ADAM12: variants seen among roughly 807,000 people sequenced by gnomAD.
ADAM12 encodes ADAM metallopeptidase domain 12.
ADAM12 carries 70 observed loss-of-function variants against 106.4 expected under a neutral mutation model. The ratio of observed to expected loss-of-function variants is 0.66; its 90% CI spans 0.54 to 0.80. The LOEUF is 0.80. ADAM12 is among the 30% of genes least tolerant of loss of function. The pLI, the probability that ADAM12 is intolerant of heterozygous loss-of-function variation, is 0.00. For synonymous variants in ADAM12, 420 were observed against 433.5 expected, an observed-to-expected ratio of 0.97 and a Z score of 0.39; for missense variants, 1,010 against 1,171.9, an observed-to-expected ratio of 0.86 and a Z score of 2.02.
intron 3 of ADAM12, among the ~76,000 whole-genome samples, chr10:126,191,123 T>C (rs1957493230): frequency 6.7e-6 from 1 of 149,842 alleles, no homozygotes; most frequent in Non-Finnish European, 1.5e-5. Flanking sequence ...TGCCTCAGCC[T>C]TCTGAGTAGC....
chr10:126,147,509 C>T (rs1208879208), intron 4 of ADAM12, among the ~76,000 whole-genome samples: 11 of 152,240 alleles, frequency 7.2e-5, no homozygotes, highest in African/African-American at 2.7e-4. Flanking sequence ...ACATGGTCCT[C>T]AGGTCCTATA....
chr10:126,223,621 T>C (rs1001878444), intron 3 of ADAM12, among the ~76,000 whole-genome samples: 2 of 152,198 alleles, frequency 1.3e-5, no homozygotes, highest in African/African-American at 4.8e-5. Flanking sequence ...CATGCCTCTA[T>C]AGTACGAGAA....
intron 1 of ADAM12, among the ~76,000 whole-genome samples, chr10:126,386,398 A>C (rs1217154770): frequency 2.0e-5 from 3 of 152,206 alleles, no homozygotes; most frequent in Non-Finnish European, 4.4e-5. Context: ...TTGGCGTTTT[A>C]TACGGCCTCA....
chr10:126,354,554 T>C (rs1363337036), intron 1 of ADAM12, among the ~76,000 whole-genome samples: 1 of 152,224 alleles, frequency 6.6e-6, no homozygotes, highest in Admixed American at 6.5e-5. Context: ...TTCATAGTCC[T>C]TACTGACAAT....
intron 21 of ADAM12, among the ~76,000 whole-genome samples, chr10:126,024,788 A>G (rs1953836814): frequency 6.6e-6 from 1 of 152,156 alleles, no homozygotes; most frequent in Non-Finnish European, 1.5e-5. Context: ...CATCTAGAAA[A>G]AAATAAAATT....
At chr10:126,292,018 G>C (rs1960173284) in intron 2 of ADAM12, among the ~76,000 whole-genome samples, 1 of 151,682 alleles carries the variant, frequency 6.6e-6, no homozygotes, top group Admixed American at 6.6e-5. Flanking sequence ...AAATCAGCCA[G>C]TCATGAAGCC....
intron 2 of ADAM12, among the ~76,000 whole-genome samples, chr10:126,282,711 T>C (rs1283468245): frequency 6.6e-6 from 1 of 152,202 alleles, no homozygotes; most frequent in Admixed American, 6.5e-5. Context: ...TCCTTTCTCC[T>C]ACAGGTGGAC....
intron 2 of ADAM12, among the ~76,000 whole-genome samples, chr10:126,310,654 G>A (rs2133815240): frequency 6.6e-6 from 1 of 152,246 alleles, no homozygotes; most frequent in African/African-American, 2.4e-5. Flanking sequence ...ATGGAAACTG[G>A]AGTGCTAACT....
intron 5 of ADAM12, among the ~76,000 whole-genome samples, chr10:126,121,160 A>G (rs1380423339): frequency 1.3e-4 from 8 of 60,572 alleles, no homozygotes; most frequent in Non-Finnish European, 2.3e-4. Flanking sequence ...TATATACTAT[A>G]TATACTATAT....
chr10:126,145,220 G>A (rs1956603316), intron 4 of ADAM12, among the ~76,000 whole-genome samples: 1 of 152,116 alleles, frequency 6.6e-6, no homozygotes, highest in African/African-American at 2.4e-5. Context: ...GAGTTCAGTT[G>A]GGCCTTGGAG....
At chr10:126,213,280 A>G (rs1957933267) in intron 3 of ADAM12, among the ~76,000 whole-genome samples, 1 of 152,206 alleles carries the variant, frequency 6.6e-6, no homozygotes, top group African/African-American at 2.4e-5. Flanking sequence ...TTTTCACTTG[A>G]CAACATAAAT....
intron 3 of ADAM12, among the ~76,000 whole-genome samples, chr10:126,158,289 G>C (rs1046658403): frequency 6.7e-6 from 1 of 148,150 alleles, no homozygotes; most frequent in South Asian, 2.2e-4. Context: ...ACAGAGCACC[G>C]GGAGAGGAGG....
At chr10:126,207,028 G>A (rs993107514) in intron 3 of ADAM12, among the ~76,000 whole-genome samples, 109 of 152,144 alleles carry the variant, frequency 7.2e-4, no homozygotes, top group South Asian at 4.1e-4. Context: ...GCCTTTCACC[G>A]TCCGCCATGA....
chr10:126,019,731 C>G lies in ADAM12; in HGVS notation c.2624G>C (p.Gly875Ala). 1.2e-6 allele frequency: 2 copies of G among 1,614,132 alleles called. No individual in the cohort carries two copies. Among genetic ancestry groups the G allele is most frequent in the Non-Finnish European group, 1.7e-6 (2 of 1,180,000 alleles). The change falls in exon 22 of 23, where the codon GGA becomes GCA. Residue 875 changes from glycine (G) to alanine (A), a missense_variant. By Grantham distance (60) the Gly-to-Ala change is moderately conservative. This residue lies in a region of ADAM12 where 615 missense variants were observed against 708.5 expected (regional missense o/e 0.87). Transcript: ENST00000448723. The stretch of plus-strand genomic sequence containing the variant: ...CAGGCGGAGCCCAGTCTCCCATTGT[C>G]CTGGGGTCCTGGCCAAGGCATGAGT... ...RLTHALARTPGQWETGLRLAP... is the reference protein window; with the variant it reads ...RLTHALARTPAQWETGLRLAP...
intron 6 of ADAM12, among the ~76,000 whole-genome samples, chr10:126,113,475 C>T (rs1337865807): frequency 1.3e-5 from 2 of 150,494 alleles, no homozygotes; most frequent in African/African-American, 2.5e-5. Context: ...GCCTGATCAA[C>T]ATGGTAAAAC....
At chr10:126,045,970 T>C in intron 17 of ADAM12, 85 bp downstream of exon 17, 1 of 1,230,192 alleles carries the variant, frequency 8.1e-7, no homozygotes, top group Non-Finnish European at 1.2e-6. Context: ...AAAAATGCTA[T>C]GGATTGCAAA....
At chr10:126,061,699 A>T (rs115386251) in intron 14 of ADAM12, among the ~76,000 whole-genome samples, 4 of 152,158 alleles carry the variant, frequency 2.6e-5, no homozygotes, top group African/African-American at 9.7e-5. Context: ...TTGGCCTCGA[A>T]GATGGAGGAA....
chr10:126,026,193 C>G (rs1303768276), intron 21 of ADAM12, among the ~76,000 whole-genome samples: 1 of 152,094 alleles, frequency 6.6e-6, no homozygotes, highest in Non-Finnish European at 1.5e-5. Context: ...GGGTTGCAAT[C>G]CTAGTTTCTG....
At chr10:126,376,056 T>G (rs943783060) in intron 1 of ADAM12, among the ~76,000 whole-genome samples, 1 of 151,868 alleles carries the variant, frequency 6.6e-6, no homozygotes, top group Non-Finnish European at 1.5e-5. Flanking sequence ...CTAATCCTTT[T>G]GTTTATCATT....
Sources: gnomAD v4.1 joint callset for allele counts (sites outside exome capture counted in the v4.1 genomes callset) on GRCh38, gnomAD v4.1.1 for gene constraint, gnomAD v4.1.1 regional missense constraint, MANE v1.5 for transcripts, NCBI Gene and HGNC (gene_info 2026-07-23, HGNC 2026-07-21) for gene names.